The following ORC4 variants were observed in gnomAD, a reference collection of about 807,000 sequenced individuals.
ORC4 encodes the protein origin recognition complex subunit 4.
In ORC4, 55 loss-of-function variants were observed where a neutral mutation model predicts 63.9. The observed-to-expected ratio is 0.86, with a 90% CI of 0.69 to 1.08. The LOEUF is 1.08. Among genes scored for constraint, ORC4 ranks in the 50% least tolerant of loss-of-function variants. ORC4 has a pLI of 0.00. For missense variants in ORC4, 511 were observed against 504.4 expected, an observed-to-expected ratio of 1.01 and a Z score of -0.13; for synonymous variants, 150 against 168.5, an observed-to-expected ratio of 0.89 and a Z score of 0.85.
At chr2:148,013,475 T>C (rs1331370171) in intron 1 of ORC4, among the ~76,000 whole-genome samples, 1 of 152,178 alleles carries the variant, frequency 6.6e-6, no homozygotes, top group Non-Finnish European at 1.5e-5. Flanking sequence ...TAGAAAAATA[T>C]AGTTAGATAG....
chr2:148,000,223 A>C (rs1692216245), intron 1 of ORC4, among the ~76,000 whole-genome samples: 1 of 152,088 alleles, frequency 6.6e-6, no homozygotes, highest in Non-Finnish European at 1.5e-5. Flanking sequence ...AGGACCCATA[A>C]AATGCATGGC....
Position 147,975,917 on chromosome 2 carries a change from T to C in ORC4, c.42A>G (p.Thr14=). 1 of 1,585,176 alleles carries C rather than the reference T, an allele frequency of 6.3e-7. No homozygotes were observed. Among genetic ancestry groups the C allele is most frequent in the Admixed American group, 1.7e-5 (1 of 59,976 alleles). Residue 14 remains threonine (T), a synonymous_variant, in exon 2 of 14, where the codon ACA becomes ACG. Transcript: ENST00000392857. ...RKSKSNSLIH[T]ECLSQVQRIL... ...ACATACTAACCTGTGAAAGGCACTCTGTGTGAATTAAGCTGTTACTCTTTG... is the reference window on the plus strand; with the variant it reads ...ACATACTAACCTGTGAAAGGCACTCCGTGTGAATTAAGCTGTTACTCTTTG...
chr2:147,943,617 T>A, intron 9 of ORC4, 95 bp from the exon 10 acceptor site: 1 of 696,978 alleles, frequency 1.4e-6, no homozygotes, highest in South Asian at 1.6e-5. Context: ...TGTACCTTAG[T>A]AACTCTATCT....
chr2:148,009,332 G>A (rs946277058), intron 1 of ORC4, among the ~76,000 whole-genome samples: 4 of 151,988 alleles, frequency 2.6e-5, no homozygotes, highest in Non-Finnish European at 4.4e-5. Flanking sequence ...AATGTGAATG[G>A]ACTAAATTCT....
Position 147,935,635 on chromosome 2 carries a change from G to A in ORC4, c.1186C>T (p.Gln396Ter). The A allele has an allele frequency of 1.9e-6, 3 of 1,613,510 alleles. No homozygotes were observed. Among genetic ancestry groups the A allele is most frequent in the South Asian group, 2.2e-5 (2 of 91,072 alleles). ...AGTTTCATCAGCTGGTACTCTCTCT[G>A]TGAATTTCCTGAAGTTCTTTCCATG... Reference protein sequence around the residue: ...KPMERTSGNSQREYQLMKLLL... With the variant: ...KPMERTSGNS Residue 396 changes from glutamine to a stop codon, truncating the protein, a stop_gained, in exon 14 of 14, where the codon CAG becomes TAG. Coordinates refer to ENST00000392857, the MANE Select transcript of ORC4 (RefSeq NM_181741.4). LOFTEE classifies it high-confidence loss of function.
intron 4 of ORC4, among the ~76,000 whole-genome samples, chr2:147,963,159 G>A (rs184853767): frequency 2.6e-5 from 4 of 152,086 alleles, no homozygotes; most frequent in Admixed American, 6.5e-5. Flanking sequence ...TGCCCACGTC[G>A]CTAACCTGAG....
intron 8 of ORC4, among the ~76,000 whole-genome samples, chr2:147,949,452 A>G (rs1053937096): frequency 2.0e-5 from 3 of 152,108 alleles, no homozygotes; most frequent in African/African-American, 7.2e-5. Context: ...TGGGGTGATC[A>G]CTAAAAGGTA....
At chr2:147,986,762 C>A (rs567645071) in intron 1 of ORC4, among the ~76,000 whole-genome samples, 1 of 144,892 alleles carries the variant, frequency 6.9e-6, no homozygotes, top group South Asian at 2.2e-4. Context: ...TAATTAAAAA[C>A]ACAATTTTAT....
At chr2:147,964,271 A>G (rs1250023919) in intron 4 of ORC4, among the ~76,000 whole-genome samples, 2 of 152,118 alleles carry the variant, frequency 1.3e-5, no homozygotes, top group Non-Finnish European at 2.9e-5. Flanking sequence ...ATAAAAAAAC[A>G]AACAGAAATC....
At chr2:147,958,593 C>T in intron 5 of ORC4, 198 bp downstream of exon 5, 1 of 575,300 alleles carries the variant, frequency 1.7e-6, no homozygotes, top group South Asian at 2.6e-5. Context: ...ACCAAAAAAC[C>T]CACAAAAACC....
intron 1 of ORC4, among the ~76,000 whole-genome samples, chr2:147,985,372 A>AT (rs1180708359): frequency 4.6e-5 from 7 of 151,772 alleles, no homozygotes; most frequent in Non-Finnish European, 1.0e-4. Context: ...AATTTTTTGT[A>AT]TTTTTAGTAG....
chr2:147,969,960 A>C (rs920802512), intron 4 of ORC4, among the ~76,000 whole-genome samples: 1 of 152,076 alleles, frequency 6.6e-6, no homozygotes. Context: ...AAGTAAAAAA[A>C]TCTCAAAGAA....
chr2:147,989,922 A>G (rs970789825), intron 1 of ORC4, among the ~76,000 whole-genome samples: 1 of 152,146 alleles, frequency 6.6e-6, no homozygotes, highest in Non-Finnish European at 1.5e-5. Flanking sequence ...ATCATGTATT[A>G]TTTTCTCTAA....
chr2:148,020,975 T>G (rs902213249), upstream of ORC4: 1 of 151,982 alleles, frequency 6.6e-6, no homozygotes, highest in African/African-American at 2.4e-5. Flanking sequence ...TCTGGGAAAA[T>G]AGCTCATTTC....
Position 147,952,438 on chromosome 2 carries a change from T to C in ORC4, c.523A>G (p.Asn175Asp), listed in dbSNP as rs746640948. ...AHHKNQTLLY[N>D]LFDISQSAQT... Reference sequence around the variant, plus strand: ...GCAGACTGAGAAATGTCAAAAAGATTATAGAGAAGTGTTTGGTTTTTATGA... The same window carrying C: ...GCAGACTGAGAAATGTCAAAAAGATCATAGAGAAGTGTTTGGTTTTTATGA... Residue 175 changes from asparagine to aspartate, a missense_variant, in exon 8 of 14, where the codon AAT (asparagine) becomes GAT (aspartate). Physicochemically the swap from Asn to Asp is conservative, Grantham distance 23. Coordinates refer to ENST00000392857, the MANE Select transcript of ORC4 (RefSeq NM_181741.4). 1.2e-6 allele frequency: 2 copies of C among 1,610,508 alleles called. No homozygotes were observed. The highest frequency in any genetic ancestry group is 1.7e-5 in the Admixed American group (1 of 60,004).
chr2:147,978,209 G>A (rs1013396689), intron 1 of ORC4, among the ~76,000 whole-genome samples: 1 of 152,220 alleles, frequency 6.6e-6, no homozygotes, highest in Non-Finnish European at 1.5e-5. Context: ...ACTGAAATCT[G>A]CCTGCCTGTC....
At chr2:147,999,323 A>G (rs1455607055) in intron 1 of ORC4, among the ~76,000 whole-genome samples, 1 of 152,112 alleles carries the variant, frequency 6.6e-6, no homozygotes, top group Non-Finnish European at 1.5e-5. Flanking sequence ...GGGGGAGGAG[A>G]GGATTAAGAG....
At chr2:147,966,584 C>A (rs1689906616) in intron 4 of ORC4, among the ~76,000 whole-genome samples, 1 of 152,062 alleles carries the variant, frequency 6.6e-6, no homozygotes. Flanking sequence ...AACTATACAT[C>A]AATAAATTAC....
chr2:147,983,986 G>A (rs932247065), intron 1 of ORC4, among the ~76,000 whole-genome samples: 1 of 152,156 alleles, frequency 6.6e-6, no homozygotes, highest in East Asian at 1.9e-4. Flanking sequence ...AGACAATCTG[G>A]CAGAACGGTT....
Sources: gnomAD v4.1 joint callset for allele counts (sites outside exome capture counted in the v4.1 genomes callset) on GRCh38, gnomAD v4.1.1 for gene constraint, MANE v1.5 for transcripts, NCBI Gene and HGNC (gene_info 2026-07-23, HGNC 2026-07-21) for gene names.